Variants in ACBD6 observed in about 807,000 individuals in gnomAD.
The protein encoded by ACBD6 is acyl-CoA-binding domain-containing protein 6.
ACBD6 carries 28 observed loss-of-function variants against 37.2 expected under a neutral mutation model. The observed-to-expected ratio is 0.75, with a 90% CI of 0.56 to 1.03. The LOEUF (loss-of-function observed/expected upper bound fraction) is 1.03. Among genes scored for constraint, ACBD6 ranks in the 50% least tolerant of loss-of-function variants. The pLI is 0.00. For synonymous variants in ACBD6, 113 were observed against 126.8 expected (o/e 0.89, Z 0.73); for missense variants, 340 against 337.4 (o/e 1.01, Z -0.06).
chr1:180,372,996 C>T (rs971833628), intron 6 of ACBD6, among the ~76,000 whole-genome samples: 10 of 152,244 alleles, frequency 6.6e-5, no homozygotes, highest in Admixed American at 3.9e-4. Context: ...AATTTCAATC[C>T]GATAGACTGC....
chr1:180,408,359 GT>G, intron 5 of ACBD6, among the ~76,000 whole-genome samples: 1 of 152,304 alleles, frequency 6.6e-6, no homozygotes, highest in East Asian at 1.9e-4. Context: ...ATGAGTTCAT[GT>G]CCTTTGTAGG....
intron 6 of ACBD6, among the ~76,000 whole-genome samples, chr1:180,386,645 T>C (rs1653855605): frequency 6.6e-6 from 1 of 152,180 alleles, no homozygotes. Flanking sequence ...ATTCAAATTA[T>C]ATACTTTCTA....
chr1:180,356,863 AAAAC>A (rs1558264506), intron 6 of ACBD6, among the ~76,000 whole-genome samples: 6 of 151,858 alleles, frequency 4.0e-5, no homozygotes, highest in African/African-American at 1.5e-4. Context: ...AAGAAAAAAA[AAAAC>A]AAAGATTGTT....
At chr1:180,444,000 A>G (rs564953188) in intron 3 of ACBD6, among the ~76,000 whole-genome samples, 9 of 152,126 alleles carry the variant, frequency 5.9e-5, no homozygotes, top group African/African-American at 2.2e-4. Flanking sequence ...AATTTTAGCC[A>G]TGCATCTGGT....
At chr1:180,474,921 C>T (rs929094733) in intron 3 of ACBD6, among the ~76,000 whole-genome samples, 15 of 152,144 alleles carry the variant, frequency 9.9e-5, no homozygotes, top group Admixed American at 7.9e-4. Context: ...TCTACATGTC[C>T]CTTTCAGGGA....
chr1:180,326,557 T>C (rs1651266154), intron 6 of ACBD6: 1 of 152,324 alleles, frequency 6.6e-6, no homozygotes. Context: ...GTGGCTGAGC[T>C]GGTACCTACG....
At chr1:180,332,956 A>G (rs1232343194) in intron 6 of ACBD6, among the ~76,000 whole-genome samples, 1 of 152,182 alleles carries the variant, frequency 6.6e-6, no homozygotes, top group Non-Finnish European at 1.5e-5. Flanking sequence ...AACTCTTACC[A>G]TGGCCTAGAA....
intron 3 of ACBD6, among the ~76,000 whole-genome samples, chr1:180,453,706 A>G (rs192667790): frequency 1.5e-3 from 222 of 152,374 alleles, no homozygotes; most frequent in African/African-American, 5.1e-3. Flanking sequence ...AAGTCTCAGG[A>G]TACAAAATCA....
chr1:180,294,803 T>G (rs1395704725), intron 7 of ACBD6, among the ~76,000 whole-genome samples: 1 of 152,080 alleles, frequency 6.6e-6, no homozygotes, highest in East Asian at 1.9e-4. Flanking sequence ...TGAGTGATCC[T>G]CCTGCCTCAG....
chr1:180,453,567 A>C (rs532284760), intron 3 of ACBD6, among the ~76,000 whole-genome samples: 2 of 152,270 alleles, frequency 1.3e-5, no homozygotes, highest in Admixed American at 6.5e-5. Flanking sequence ...CAAGAGAAAG[A>C]AATAAAGGGT....
intron 3 of ACBD6, among the ~76,000 whole-genome samples, chr1:180,490,856 G>A (rs1651469367): frequency 1.3e-5 from 2 of 150,540 alleles, no homozygotes; most frequent in South Asian, 4.2e-4. Flanking sequence ...AGTCCCAGAG[G>A]CTGAAGTGGG....
intron 4 of ACBD6, among the ~76,000 whole-genome samples, chr1:180,420,589 G>A (rs1272998235): frequency 6.6e-6 from 1 of 152,142 alleles, no homozygotes; most frequent in Non-Finnish European, 1.5e-5. Flanking sequence ...CTTCAGTGTT[G>A]AACTCATGAA....
In ACBD6 at chr1:180,437,791, A is replaced by G. The variant is rs74132850; in HGVS notation, c.385-7529T>C. Among the ~76,000 whole-genome samples, 1,013 of 152,346 alleles carry G rather than the reference A, an allele frequency of 6.6e-3. 16 individuals are homozygous for G. The highest frequency in any genetic ancestry group is 0.023 in the African/African-American group (967 of 41,582). ...CAGGAACAAGGTTATAATTTGGAAT[A>G]AGATGGTTAGGGAAAGCCTTCTAGA... On this transcript the variant is annotated intron_variant, in intron 3 of 7. Transcript: ENST00000367595.
intron 4 of ACBD6, among the ~76,000 whole-genome samples, chr1:180,423,757 T>C (rs1648468554): frequency 1.3e-5 from 2 of 152,202 alleles, no homozygotes; most frequent in South Asian, 4.1e-4. Context: ...GACTGAAAAT[T>C]TCTGATACTT....
intron 6 of ACBD6, among the ~76,000 whole-genome samples, chr1:180,366,241 T>C (rs902441408): frequency 6.6e-6 from 1 of 152,146 alleles, no homozygotes; most frequent in African/African-American, 2.4e-5. Flanking sequence ...TTGCCTGACA[T>C]TTTAAAAATT....
At chr1:180,291,099 T>A (rs114655044) in intron 7 of ACBD6, among the ~76,000 whole-genome samples, 1,734 of 152,362 alleles carry the variant, frequency 0.011, 40 homozygotes, top group African/African-American at 0.039. Flanking sequence ...TTCCTTTTGA[T>A]TGCTGAGTAG....
intron 3 of ACBD6, among the ~76,000 whole-genome samples, chr1:180,475,534 A>T (rs1178695214): frequency 6.6e-6 from 1 of 152,052 alleles, no homozygotes; most frequent in Non-Finnish European, 1.5e-5. Flanking sequence ...CCACAGGTGT[A>T]AACCACCACA....
At chr1:180,351,457 T>C (rs1652416409) in intron 6 of ACBD6, among the ~76,000 whole-genome samples, 1 of 152,028 alleles carries the variant, frequency 6.6e-6, no homozygotes, top group Non-Finnish European at 1.5e-5. Flanking sequence ...TTGTATTTTT[T>C]AGTAGAGACA....
intron 1 of ACBD6, among the ~76,000 whole-genome samples, chr1:180,496,913 T>C (rs1355626758): frequency 6.6e-6 from 1 of 151,964 alleles, no homozygotes; most frequent in Non-Finnish European, 1.5e-5. Flanking sequence ...ATTTTATAAA[T>C]GAAGAGAGAA....
Sources: allele counts gnomAD v4.1 joint callset (sites outside exome capture counted in the v4.1 genomes callset), GRCh38; gene constraint gnomAD v4.1.1; transcripts MANE v1.5; gene names NCBI Gene and HGNC (gene_info 2026-07-23, HGNC 2026-07-21).